The following KLHDC8A variants were observed in gnomAD, a reference collection of about 807,000 sequenced individuals.
KLHDC8A encodes the protein kelch domain-containing protein 8A.
In KLHDC8A, 21 loss-of-function variants were observed where a neutral mutation model predicts 33.1. The ratio of observed to expected loss-of-function variants is 0.64; its 90% CI spans 0.45 to 0.91. KLHDC8A has a LOEUF of 0.91. Among genes scored for constraint, KLHDC8A ranks in the 40% least tolerant of loss-of-function variants. KLHDC8A has a pLI of 0.00. For synonymous variants in KLHDC8A, 173 were observed against 193.5 expected (o/e 0.89, Z 0.88); for missense variants, 435 against 483.3 (o/e 0.90, Z 0.94).
In KLHDC8A at chr1:205,339,352, C is replaced by T. The variant is rs753799325; in HGVS notation, c.599G>A (p.Arg200His). 5.6e-6 allele frequency: 9 copies of T among 1,614,074 alleles called. No individual in the cohort carries two copies. The highest frequency in any genetic ancestry group is 3.3e-5 in the Admixed American group (2 of 59,992). Reference sequence around the variant, plus strand: ...AATGTTGGGAAACTTGGTCCAGGAGCGAGTCTCGATGTCAAAGACCTCGAA... The same window carrying T: ...AATGTTGGGAAACTTGGTCCAGGAGTGAGTCTCGATGTCAAAGACCTCGAA... ...NAFEVFDIETRSWTKFPNIPY... is the reference protein window; with the variant it reads ...NAFEVFDIETHSWTKFPNIPY... The change falls in exon 4 of 6, where the codon CGC (arginine) becomes CAC (histidine). Residue 200 changes from arginine to histidine, a missense_variant. Physicochemically the swap from Arg to His is conservative, Grantham distance 29. Coordinates refer to ENST00000367155, the MANE Select transcript of KLHDC8A (RefSeq NM_018203.3). This position sits in a 1 kb window ranked among gnomAD's most constrained non-coding sequence, Gnocchi z 5.1.
rs115020886 is a variant in KLHDC8A, at chr1:205,346,342, A to G, written c.-189-2549T>C. 4.2e-3 allele frequency among the ~76,000 whole-genome samples: 637 copies of G among 152,320 alleles called. 6 individuals carry two copies. Among genetic ancestry groups the G allele is most frequent in the African/African-American group, 0.015 (605 of 41,568 alleles). On this transcript the variant is annotated intron_variant, in intron 1 of 5. Coordinates refer to ENST00000367155, the MANE Select transcript of KLHDC8A (RefSeq NM_018203.3). Reference sequence around the variant, plus strand: ...TGTCTTCACAAAATCAGAACAGGTGATCGGGAAGATTTAAAGCCATAGACC... The same window carrying G: ...TGTCTTCACAAAATCAGAACAGGTGGTCGGGAAGATTTAAAGCCATAGACC...
intron 1 of KLHDC8A, among the ~76,000 whole-genome samples, chr1:205,345,265 T>C (rs961778583): frequency 1.3e-5 from 2 of 152,222 alleles, no homozygotes; most frequent in African/African-American, 4.8e-5. Flanking sequence ...CTTATACAGA[T>C]AGATAGATCT....
intron 1 of KLHDC8A, among the ~76,000 whole-genome samples, chr1:205,355,946 AT>A (rs1471297874): frequency 6.6e-6 from 1 of 152,196 alleles, no homozygotes; most frequent in East Asian, 1.9e-4. Context: ...AAAAATCTTA[AT>A]TTTAGACCCA....
intron 1 of KLHDC8A, among the ~76,000 whole-genome samples, chr1:205,356,111 C>T (rs1473228638): frequency 6.7e-6 from 1 of 149,672 alleles, no homozygotes; most frequent in East Asian, 2.0e-4. Flanking sequence ...TTTGAGTTCC[C>T]AGTGTCTATT....
At chr1:205,340,967 T>G (rs1482659814) in intron 2 of KLHDC8A, among the ~76,000 whole-genome samples, 1 of 152,208 alleles carries the variant, frequency 6.6e-6, no homozygotes, top group African/African-American at 2.4e-5. Flanking sequence ...TTGGGAAACT[T>G]GTGGGATCCA....
intron 2 of KLHDC8A, among the ~76,000 whole-genome samples, chr1:205,342,476 G>A (rs1662817968): frequency 6.6e-6 from 1 of 152,194 alleles, no homozygotes; most frequent in African/African-American, 2.4e-5. Context: ...TTCCCTCCTG[G>A]AGCCTGGCAC....
chr1:205,350,868 T>C (rs1663084437), intron 1 of KLHDC8A, among the ~76,000 whole-genome samples: 1 of 152,166 alleles, frequency 6.6e-6, no homozygotes, highest in African/African-American at 2.4e-5. Context: ...CATGTGTGTG[T>C]GTGTGCTGAG....
chr1:205,344,297 G>A (rs1662884188), intron 1 of KLHDC8A: 1 of 152,342 alleles, frequency 6.6e-6, no homozygotes, highest in Non-Finnish European at 1.5e-5. Flanking sequence ...GTGAACAGCA[G>A]GAAGGAGAAG....
intron 1 of KLHDC8A, chr1:205,351,270 G>A (rs1283715050): frequency 6.0e-6 from 5 of 835,358 alleles, no homozygotes; most frequent in South Asian, 1.3e-5. Context: ...ACCCTCCCGA[G>A]CTGAAAAAAT....
chr1:205,337,346 T>G lies in KLHDC8A; in HGVS notation c.*53A>C. ...ACTGCTTGGACAAGATCATTCCTCATGTTAAGAGTGAAGTGATATGGTCCA... is the reference window on the plus strand; with the variant it reads ...ACTGCTTGGACAAGATCATTCCTCAGGTTAAGAGTGAAGTGATATGGTCCA... On this transcript the variant is annotated 3_prime_UTR_variant, in exon 6 of 6. Transcript: ENST00000367155. 1.0e-5 allele frequency: 14 copies of G among 1,388,804 alleles called. No individual in the cohort carries two copies. The highest frequency in any genetic ancestry group is 1.4e-5 in the African/African-American group (1 of 70,676). 86.0% of individuals were successfully genotyped at this position (1,388,804 alleles called of 1,614,324 possible). A position where few individuals can be genotyped will look rare whatever the true frequency, so the allele number is the denominator to read the frequency against.
Position 205,339,648 on chromosome 1 carries a change from C to T in KLHDC8A, c.537G>A (p.Val179=). 1 of 1,613,948 alleles carries T rather than the reference C, an allele frequency of 6.2e-7. No individual in the cohort carries two copies. The highest frequency in any genetic ancestry group is 8.5e-7 in the Non-Finnish European group (1 of 1,179,934). Reference sequence around the variant, plus strand: ...AGAACAGTAACCTGTCCTTACCCAGCACGTAGATCTTGGAGCCTCGGAGGA... The same window carrying T: ...AGAACAGTAACCTGTCCTTACCCAGTACGTAGATCTTGGAGCCTCGGAGGA... ...TSFLRGSKIY[V]LGGRQSKYAV... The change falls in exon 3 of 6, where the codon GTG becomes GTA. Residue 179 remains valine (V), a synonymous_variant. Transcript: ENST00000367155. This position sits in a 1 kb window ranked among gnomAD's most constrained non-coding sequence, Gnocchi z 5.1.
At chr1:205,347,469 C>T (rs979754928) in intron 1 of KLHDC8A, among the ~76,000 whole-genome samples, 5 of 152,158 alleles carry the variant, frequency 3.3e-5, no homozygotes, top group South Asian at 2.1e-4. Context: ...CCTGTCATCC[C>T]AGCACTTTGG....
Position 205,339,316 on chromosome 1 carries a change from C to T in KLHDC8A, c.635G>A (p.Arg212Gln), listed in dbSNP as rs1407419732. ...CAGGGTCACAAAGCTGGAGAAGGCC[C>T]GCTTATAGGGAATGTTGGGAAACTT... ...WTKFPNIPYK[R>Q]AFSSFVTLDN... The change falls in exon 4 of 6, where the codon CGG becomes CAG. Residue 212 changes from arginine to glutamine, a missense_variant. Arg to Gln is a conservative substitution (Grantham distance 43, BLOSUM62 1). Transcript: ENST00000367155. This position sits in a 1 kb window ranked among gnomAD's most constrained non-coding sequence, Gnocchi z 5.1. 8 of 1,614,044 alleles carry T rather than the reference C, an allele frequency of 5.0e-6. No homozygotes were observed. The Admixed American group carries it at 5.0e-5, about 10-fold the overall frequency.
chr1:205,355,225 G>A (rs1663234241), intron 1 of KLHDC8A, among the ~76,000 whole-genome samples: 1 of 152,200 alleles, frequency 6.6e-6, no homozygotes, highest in Non-Finnish European at 1.5e-5. Context: ...TCTCAGCCAG[G>A]CTTAATGCCT....
chr1:205,353,761 T>C (rs1176907718), intron 1 of KLHDC8A, among the ~76,000 whole-genome samples: 1 of 152,148 alleles, frequency 6.6e-6, no homozygotes, highest in Non-Finnish European at 1.5e-5. Flanking sequence ...CAATATCTAG[T>C]GGCAATAAAA....
Position 205,356,731 on chromosome 1 carries a change from C to T in KLHDC8A, c.-388G>A, listed in dbSNP as rs190169681. On this transcript the variant is annotated 5_prime_UTR_variant, in exon 1 of 6. Coordinates refer to ENST00000367155, the MANE Select transcript of KLHDC8A (RefSeq NM_018203.3). ...TCCACTGCTGCTGCCTCTGGCTGAT[C>T]GACTGGGATGCAGCCAGGCCCCTAT... The T allele has an allele frequency of 1.0e-5, 4 of 381,758 alleles. No homozygotes were observed. The highest frequency in any genetic ancestry group is 7.4e-5 in the East Asian group (1 of 13,482). The allele number at this position is 381,758 out of a possible 1,614,324, so 23.6% of individuals were successfully genotyped here.
chr1:205,339,653 AG>A lies in KLHDC8A; in HGVS notation c.531del (p.Tyr178ThrfsTer41). 6.2e-7 allele frequency: 1 copy of A among 1,614,068 alleles called. No homozygotes were observed. Among genetic ancestry groups the A allele is most frequent in the Non-Finnish European group, 8.5e-7 (1 of 1,179,972 alleles). On this transcript the variant is annotated frameshift_variant, in exon 3 of 6. Transcript: ENST00000367155. LOFTEE classifies it high-confidence loss of function. This position sits in a 1 kb window ranked among gnomAD's most constrained non-coding sequence, Gnocchi z 5.1. ...AATSFLRGSK[I>X]YVLGGRQSKY... ...AGTAACCTGTCCTTACCCAGCACGT[AG>A]ATCTTGGAGCCTCGGAGGAAGGAGG...
rs17853536 is a variant in KLHDC8A, at chr1:205,343,400, G to C, written c.205C>G (p.Arg69Gly). ...AGGGCGGTGACGGCCACCCCCGCCCGGGCTGTGGGCAGCCGGGGCAAGGCG... is the reference window on the plus strand; with the variant it reads ...AGGGCGGTGACGGCCACCCCCGCCCCGGCTGTGGGCAGCCGGGGCAAGGCG... Reference protein sequence around the residue: ...WTALPRLPTARAGVAVTALGK... With the variant: ...WTALPRLPTAGAGVAVTALGK... Residue 69 changes from arginine (R) to glycine (G), a missense_variant, in exon 2 of 6, where the codon CGG becomes GGG. Physicochemically the swap from Arg to Gly is moderately radical, Grantham distance 125 (BLOSUM62 -2). Coordinates refer to ENST00000367155, the MANE Select transcript of KLHDC8A (RefSeq NM_018203.3). 1.9e-6 allele frequency: 3 copies of C among 1,613,048 alleles called. No homozygotes were observed. The highest frequency in any genetic ancestry group is 1.7e-5 in the Admixed American group (1 of 59,990).
chr1:205,350,923 G>A (rs1663085196), intron 1 of KLHDC8A, among the ~76,000 whole-genome samples: 1 of 152,194 alleles, frequency 6.6e-6, no homozygotes, highest in South Asian at 2.1e-4. Flanking sequence ...AAATGAGCAG[G>A]GCCACAGACC....
Sources: gnomAD v4.1 joint callset for allele counts (sites outside exome capture counted in the v4.1 genomes callset) on GRCh38, gnomAD v4.1.1 for gene constraint, Gnocchi (gnomAD v3.1) non-coding constraint, MANE v1.5 for transcripts, NCBI Gene and HGNC (gene_info 2026-07-23, HGNC 2026-07-21) for gene names.